The following PMS2 variants were observed in gnomAD, a reference collection of about 807,000 sequenced individuals.
PMS2 encodes the protein mismatch repair endonuclease PMS2.
PMS2 carries 69 observed loss-of-function variants against 90.0 expected under a neutral mutation model. That is an observed-to-expected ratio of 0.77 (90% CI 0.63 to 0.94). The LOEUF (loss-of-function observed/expected upper bound fraction) is 0.94, where lower values mean the gene tolerates loss of function less well. PMS2 is among the 40% of genes least tolerant of loss of function. The probability of loss-of-function intolerance (pLI) is 0.00; values close to 1 mark genes in which losing one functional copy is unlikely to be tolerated. For synonymous variants in PMS2, 332 were observed against 375.1 expected (o/e 0.89, Z 1.33); for missense variants, 966 against 1,040.2 (o/e 0.93, Z 0.98).
chr7:6,002,108 C>T, intron 5 of PMS2: 1 of 291,478 alleles, frequency 3.4e-6, no homozygotes, highest in Admixed American at 4.9e-5. Context: ...TAGCTCACTG[C>T]AGCCTCAAGT....
At chr7:5,979,759 G>A (rs945195965) in intron 12 of PMS2, among the ~76,000 whole-genome samples, 6 of 130,740 alleles carry the variant, frequency 4.6e-5, no homozygotes, top group East Asian at 2.6e-4. Flanking sequence ...GGGCTCAAGC[G>A]ATCCTTCCAC....
rs751261543 is a variant in PMS2, at chr7:5,987,177, G to A, written c.1588C>T (p.Gln530Ter). Residue 530 changes from glutamine (Q) to a stop codon, truncating the protein, a stop_gained, in exon 11 of 15, where the codon CAG becomes TAG. Coordinates refer to ENST00000265849, the MANE Select transcript of PMS2 (RefSeq NM_000535.7). LOFTEE classifies it high-confidence loss of function. ...AASSPGDRGSQEHVDSQEKAP... is the reference protein window; with the variant it reads ...AASSPGDRGS ...TTCTCCTGAGAGTCCACATGTTCCTGCGAGCCCCTGTCCCCTGGGGAGCTG... is the reference window on the plus strand; with the variant it reads ...TTCTCCTGAGAGTCCACATGTTCCTACGAGCCCCTGTCCCCTGGGGAGCTG... 4 of 1,613,928 alleles carry A rather than the reference G, an allele frequency of 2.5e-6. No homozygotes were observed. The highest frequency in any genetic ancestry group is 2.5e-6 in the Non-Finnish European group (3 of 1,179,950).
Position 5,987,595 on chromosome 7 carries a change from C to T in PMS2, c.1170G>A (p.Ala390=), listed in dbSNP as rs755578413. 3.2e-5 allele frequency: 51 copies of T among 1,605,194 alleles called. No individual in the cohort carries two copies. In the Middle Eastern group the frequency reaches 6.6e-4, roughly 21 times the overall value. Residue 390 remains alanine (A), a synonymous_variant, in exon 11 of 15, where the codon GCG becomes GCA. Coordinates refer to ENST00000265849, the MANE Select transcript of PMS2 (RefSeq NM_000535.7). ...TTTCTACCATGGGCTTTTCCAAATCCGCTGCATGCATTTTTATTAAGTTAC... is the reference window on the plus strand; with the variant it reads ...TTTCTACCATGGGCTTTTCCAAATCTGCTGCATGCATTTTTATTAAGTTAC... The part of the protein sequence containing the change: ...VEGNLIKMHA[A]DLEKPMVEKQ...
At chr7:5,995,697 A>T in intron 7 of PMS2, 64 bp from the exon 8 acceptor site, 1 of 1,082,578 alleles carries the variant, frequency 9.2e-7, no homozygotes, top group Non-Finnish European at 1.4e-6. Context: ...ATACGATCAC[A>T]TGGCACATTC....
At chr7:5,989,576 A>T (rs1454735370) in intron 10 of PMS2, among the ~76,000 whole-genome samples, 1 of 152,160 alleles carries the variant, frequency 6.6e-6, no homozygotes, top group Non-Finnish European at 1.5e-5. Context: ...CTGAGGCAGG[A>T]AGATGGCCTG....
intron 9 of PMS2, among the ~76,000 whole-genome samples, chr7:5,991,506 A>G (rs1323502021): frequency 6.6e-6 from 1 of 151,736 alleles, no homozygotes; most frequent in Non-Finnish European, 1.5e-5. Flanking sequence ...TATAATTAAC[A>G]TAGTCTCAAG....
chr7:6,001,991 T>G (rs1209375127), intron 5 of PMS2: 1 of 151,064 alleles, frequency 6.6e-6, no homozygotes, highest in Non-Finnish European at 1.5e-5. Flanking sequence ...AAACTCCATC[T>G]CAAAAAAAGA....
chr7:6,003,554 G>A, intron 4 of PMS2, 136 bp downstream of exon 4: 1 of 652,760 alleles, frequency 1.5e-6, no homozygotes, highest in Non-Finnish European at 2.7e-6. Context: ...ACTTAGATTG[G>A]CAGCGAGACA....
intron 1 of PMS2, among the ~76,000 whole-genome samples, chr7:6,008,529 T>G (rs980490184): frequency 2.0e-5 from 3 of 152,022 alleles, no homozygotes; most frequent in African/African-American, 7.2e-5. Flanking sequence ...GCGGGCGGAT[T>G]GCTTGAGCTC....
chr7:5,997,140 G>T (rs983769299), intron 7 of PMS2, among the ~76,000 whole-genome samples, 186 bp downstream of exon 7: 12 of 151,770 alleles, frequency 7.9e-5, no homozygotes, highest in African/African-American at 2.9e-4. Flanking sequence ...CTTGAACTCA[G>T]GAGGTAGAGG....
intron 11 of PMS2, among the ~76,000 whole-genome samples, chr7:5,983,607 C>G (rs1260897389): frequency 2.0e-5 from 3 of 151,724 alleles, no homozygotes; most frequent in South Asian, 2.1e-4. Flanking sequence ...GCATCTGAAA[C>G]AAGTTTTCAG....
chr7:5,982,256 A>G (rs960694558), intron 12 of PMS2, among the ~76,000 whole-genome samples: 3 of 152,050 alleles, frequency 2.0e-5, no homozygotes, highest in African/African-American at 7.2e-5. Flanking sequence ...CCCAGGCTGG[A>G]GTGCGATGGC....
At chr7:5,984,549 A>G (rs1375489710) in intron 11 of PMS2, among the ~76,000 whole-genome samples, 1 of 151,694 alleles carries the variant, frequency 6.6e-6, no homozygotes, top group Non-Finnish European at 1.5e-5. Context: ...CTTTGGGAAG[A>G]CAAGGTGGGC....
intron 9 of PMS2, among the ~76,000 whole-genome samples, chr7:5,990,496 T>G (rs1390490969): frequency 6.6e-6 from 1 of 152,166 alleles, no homozygotes; most frequent in Non-Finnish European, 1.5e-5. Context: ...TTAGGTAAAT[T>G]GTTAAAGGAA....
rs569281463 is a variant in PMS2, at chr7:6,001,216, G to C, written c.537+1237C>G. Among the ~76,000 whole-genome samples the C allele has an allele frequency of 6.3e-5, 9 of 143,672 alleles. No homozygotes were observed. In the East Asian group the frequency reaches 1.7e-3, roughly 28 times the overall value. 94.3% of individuals were successfully genotyped at this position (143,672 alleles called of 152,430 possible). A position where few individuals can be genotyped will look rare whatever the true frequency, so the allele number is the denominator to read the frequency against. ...CTTTATACTATACACATTTAGGCTTGTTGTTTTGTTTTCACAAAATTGTAA... is the reference window on the plus strand; with the variant it reads ...CTTTATACTATACACATTTAGGCTTCTTGTTTTGTTTTCACAAAATTGTAA... On this transcript the variant is annotated intron_variant, in intron 5 of 14. Transcript: ENST00000265849.
Position 6,009,001 on chromosome 7 carries a change from A to G in PMS2, c.19T>C (p.Ser7Pro), listed in dbSNP as rs1064793232. MERAESSSTEPAKAIKP... is the reference protein window; with the variant it reads MERAESPSTEPAKAIKP... ...AAGACTGCGAGCCCCGCTCACCTCG[A>G]GCTCTCAGCTCGCTCCATGGATGCA... The change falls in exon 1 of 15, where the codon TCG becomes CCG. Residue 7 changes from serine to proline, a missense_variant. Around this residue, in one of 2 missense-constraint regions of PMS2, gnomAD observed 871 missense variants for 802.4 expected, o/e 1.09. Coordinates refer to ENST00000265849, the MANE Select transcript of PMS2 (RefSeq NM_000535.7). The G allele has an allele frequency of 6.2e-7, 1 of 1,612,546 alleles. No individual in the cohort carries two copies. The highest frequency in any genetic ancestry group is 8.5e-7 in the Non-Finnish European group (1 of 1,179,836).
chr7:5,995,100 T>A (rs1027819198), intron 8 of PMS2, among the ~76,000 whole-genome samples: 3 of 152,086 alleles, frequency 2.0e-5, no homozygotes, highest in Admixed American at 2.0e-4. Flanking sequence ...TGCAGTGGCA[T>A]AATCTCGGCT....
intron 8 of PMS2, among the ~76,000 whole-genome samples, chr7:5,992,907 T>G (rs1377260184): frequency 1.3e-5 from 2 of 152,218 alleles, no homozygotes; most frequent in Admixed American, 1.3e-4. Context: ...ATAAAACATA[T>G]TCAATGTACA....
chr7:6,009,007 C>G lies in PMS2; in HGVS notation c.13G>C (p.Glu5Gln), dbSNP rs372539944. 8 of 1,612,446 alleles carry G rather than the reference C, an allele frequency of 5.0e-6. No homozygotes were observed. In the African/African-American group the frequency reaches 9.3e-5, roughly 19 times the overall value. Residue 5 changes from glutamate (E) to glutamine (Q), a missense_variant, in exon 1 of 15, where the codon GAG (glutamate) becomes CAG (glutamine). Coordinates refer to ENST00000265849, the MANE Select transcript of PMS2 (RefSeq NM_000535.7). ...GCGAGCCCCGCTCACCTCGAGCTCT[C>G]AGCTCGCTCCATGGATGCAACACCC... MERAESSSTEPAKAI... is the reference protein window; with the variant it reads MERAQSSSTEPAKAI...
Sources: allele counts gnomAD v4.1 joint callset (sites outside exome capture counted in the v4.1 genomes callset), GRCh38; gene constraint gnomAD v4.1.1; regional missense constraint gnomAD v4.1.1; transcripts MANE v1.5; gene names NCBI Gene and HGNC (gene_info 2026-07-23, HGNC 2026-07-21).